POFUT2: variants seen among roughly 807,000 people sequenced by gnomAD.
POFUT2 encodes protein O-fucosyltransferase 2, also known as GDP-fucose protein O-fucosyltransferase 2.
A neutral mutation model predicts 55.0 loss-of-function variants in POFUT2; 30 were observed. The observed-to-expected ratio is 0.55, with a 90% CI of 0.41 to 0.74. The LOEUF (loss-of-function observed/expected upper bound fraction) is 0.74. Among genes scored for constraint, POFUT2 ranks in the 30% least tolerant of loss-of-function variants. The pLI, the probability that POFUT2 is intolerant of heterozygous loss-of-function variation, is 0.00. For synonymous variants in POFUT2, 267 were observed against 231.1 expected (o/e 1.16, Z -1.41); for missense variants, 524 against 562.6 (o/e 0.93, Z 0.69).
intron 6 of POFUT2, among the ~76,000 whole-genome samples, chr21:45,272,033 T>C (rs1048201545): frequency 1.3e-5 from 2 of 152,182 alleles, no homozygotes; most frequent in African/African-American, 4.8e-5. Flanking sequence ...GTATGATGAA[T>C]AGAATACAGT....
In POFUT2 at chr21:45,284,013, T is replaced by C. The variant is rs1041285119; in HGVS notation, c.383-486A>G. Among the ~76,000 whole-genome samples, 1 of 150,710 alleles carries C rather than the reference T, an allele frequency of 6.6e-6. No homozygotes were observed. The highest frequency in any genetic ancestry group is 2.4e-5 in the African/African-American group (1 of 40,884). ...GGACAGAGGCTCAGGTGAGCAGGAGTCGTGCCTCTTACCCACGGCCCGACC... is the reference window on the plus strand; with the variant it reads ...GGACAGAGGCTCAGGTGAGCAGGAGCCGTGCCTCTTACCCACGGCCCGACC... On this transcript the variant is annotated intron_variant, in intron 2 of 8. Coordinates refer to ENST00000349485, the MANE Select transcript of POFUT2 (RefSeq NM_133635.6). This position sits in a 1 kb window ranked among gnomAD's most constrained non-coding sequence, Gnocchi z 5.8.
chr21:45,283,355 C>T (rs1255467204), intron 3 of POFUT2, 28 bp downstream of exon 3: 9 of 1,477,086 alleles, frequency 6.1e-6, no homozygotes, highest in Middle Eastern at 2.2e-4. Flanking sequence ...GGGGCACCTG[C>T]GGCAGGGGGA....
At chr21:45,266,165 G>A (rs143722016) in intron 8 of POFUT2, 20 of 1,367,132 alleles carry the variant, frequency 1.5e-5, no homozygotes, top group East Asian at 1.4e-4. Flanking sequence ...TCAGGTCAGC[G>A]GCCTGCCCGT....
chr21:45,278,313 GGTTATGGCTGA>G, intron 4 of POFUT2, 144 bp from the exon 5 acceptor site: 1 of 720,636 alleles, frequency 1.4e-6, no homozygotes, highest in East Asian at 2.5e-5. Context: ...CGCGTTGGGT[GGTTATGGCTGA>G]GACACAGGCA....
At position 45,264,155 on chromosome 21, in the gene POFUT2, A is replaced by G. The variant is rs2093133509; in HGVS notation, c.*1327T>C. The G allele has an allele frequency of 6.6e-6, 1 of 152,248 alleles. No individual in the cohort carries two copies. Among genetic ancestry groups the G allele is most frequent in the Non-Finnish European group, 1.5e-5 (1 of 68,042 alleles). The allele number at this position is 152,248 out of a possible 1,614,324, so 9.4% of individuals were successfully genotyped here. ...GGGTCAATTTTAAAAGCTTGAGAAG[A>G]CACAGCAAGGTGATGTCCTAGACTA... On this transcript the variant is annotated 3_prime_UTR_variant, in exon 9 of 9. Transcript: ENST00000349485.
intron 7 of POFUT2, 86 bp downstream of exon 7, chr21:45,269,753 C>T: frequency 7.6e-7 from 1 of 1,309,406 alleles, no homozygotes; most frequent in Admixed American, 2.3e-5. Flanking sequence ...TGCCAAAATC[C>T]CCGTCTGTGA....
Position 45,267,422 on chromosome 21 carries a change from GAAA to G in POFUT2, c.1136+165_1136+167del. The stretch of plus-strand genomic sequence containing the variant: ...GATGAACAATTAACTTCAGCCCAGG[GAAA>G]CACTGAACCAGATGCTACAGGAGAC... On this transcript the variant is annotated intron_variant, in intron 8 of 8. Coordinates refer to ENST00000349485, the MANE Select transcript of POFUT2 (RefSeq NM_133635.6). The surrounding 1 kb of genome is among the most constrained non-coding windows in gnomAD (Gnocchi z 4.4). 4 of 1,610,242 alleles carry G rather than the reference GAAA, an allele frequency of 2.5e-6. No individual in the cohort carries two copies. Among genetic ancestry groups the G allele is most frequent in the Middle Eastern group, 3.3e-4 (2 of 6,048 alleles).
chr21:45,287,876 C>CCGGGCGGCCACGCACTT lies in POFUT2; in HGVS notation c.-22_-6dup, dbSNP rs1416022701. 1 of 1,344,382 alleles carries CCGGGCGGCCACGCACTT rather than the reference C, an allele frequency of 7.4e-7. No individual in the cohort carries two copies. The highest frequency in any genetic ancestry group is 9.6e-7 in the Non-Finnish European group (1 of 1,039,754). 83.3% of individuals were successfully genotyped at this position (1,344,382 alleles called of 1,614,324 possible). A position where few individuals can be genotyped will look rare whatever the true frequency, so the allele number is the denominator to read the frequency against. On this transcript the variant is annotated 5_prime_UTR_variant, in exon 1 of 9. Transcript: ENST00000349485. ...GACGAAGCTGAGTGTCGCCATGGCC[C>CCGGGCGGCCACGCACTT]CGGGCGGCCACGCACTTCCGGCGGC...
At position 45,279,536 on chromosome 21, in the gene POFUT2, C is replaced by T. The variant is rs528420445; in HGVS notation, c.639-1367G>A. 2.0e-4 allele frequency among the ~76,000 whole-genome samples: 31 copies of T among 152,330 alleles called. No individual in the cohort carries two copies. The Middle Eastern group carries it at 0.01, about 50-fold the overall frequency. On this transcript the variant is annotated intron_variant, in intron 4 of 8. Transcript: ENST00000349485. ...GTTTTACTCTGAAATCAAAGAAACA[C>T]ACACGAACAGAGCAAGGATTCCACA...
chr21:45,286,009 G>A (rs759206897), intron 1 of POFUT2, 81 bp from the exon 2 acceptor site: 44 of 1,312,882 alleles, frequency 3.4e-5, no homozygotes, highest in Non-Finnish European at 4.2e-5. Context: ...AAGTCTCAGC[G>A]CGTGGCCCGA....
Position 45,277,538 on chromosome 21 carries a change from A to C in POFUT2, c.706-396T>G. The C allele has an allele frequency of 4.0e-6, 1 of 250,314 alleles. No individual in the cohort carries two copies. 15.5% of individuals were successfully genotyped at this position (250,314 alleles called of 1,614,324 possible). The stretch of plus-strand genomic sequence containing the variant: ...AAACGGGGTGGGACTGACCTGCACA[A>C]AGTCCCACGTGAGCAGGGACTGTGT... On this transcript the variant is annotated intron_variant, in intron 5 of 8. Transcript: ENST00000349485. The surrounding 1 kb of genome is among the most constrained non-coding windows in gnomAD (Gnocchi z 6.9).
At position 45,269,871 on chromosome 21, in the gene POFUT2, T is replaced by C. The variant is rs2093202884; in HGVS notation, c.980A>G (p.Lys327Arg). 1 of 1,610,222 alleles carries C rather than the reference T, an allele frequency of 6.2e-7. No individual in the cohort carries two copies. Among genetic ancestry groups the C allele is most frequent in the Admixed American group, 1.7e-5 (1 of 58,948 alleles). Residue 327 changes from lysine (K) to arginine (R), a missense_variant, in exon 7 of 9, where the codon AAG (lysine) becomes AGG (arginine). Transcript: ENST00000349485. ...GACGGCATCTGTGGCCACAAACACC[T>C]TGTCCAGCCGGTGGGTCTTCATGAG... ...RSLMKTHRLD[K>R]VFVATDAVRK...
Position 45,265,502 on chromosome 21 carries a change from G to A in POFUT2, c.1270C>T (p.His424Tyr). 1 of 1,613,614 alleles carries A rather than the reference G, an allele frequency of 6.2e-7. No homozygotes were observed. Among genetic ancestry groups the A allele is most frequent in the African/African-American group, 1.3e-5 (1 of 75,024 alleles). ...DQEKACEQPTHWKITY is the reference protein window; with the variant it reads ...DQEKACEQPTYWKITY ...CCTCCTCAGTAGGTGATCTTCCAGT[G>A]GGTGGGTTGCTCACACGCCTTCTCT... Residue 424 changes from histidine (H) to tyrosine (Y), a missense_variant, in exon 9 of 9, where the codon CAC (histidine) becomes TAC (tyrosine). His to Tyr is a moderately conservative substitution (Grantham distance 83). Transcript: ENST00000349485. This position sits in a 1 kb window ranked among gnomAD's most constrained non-coding sequence, Gnocchi z 4.6.
At position 45,266,165 on chromosome 21, in the gene POFUT2, G is replaced by T. The variant is rs143722016; in HGVS notation, c.1137-530C>A. Reference sequence around the variant, plus strand: ...GGGTTTCTCCAGACCTCAGGTCAGCGGCCTGCCCGTTCCTCCGGCTCCTGC... The same window carrying T: ...GGGTTTCTCCAGACCTCAGGTCAGCTGCCTGCCCGTTCCTCCGGCTCCTGC... On this transcript the variant is annotated intron_variant, in intron 8 of 8. Coordinates refer to ENST00000349485, the MANE Select transcript of POFUT2 (RefSeq NM_133635.6). 633 of 1,367,132 alleles carry T rather than the reference G, an allele frequency of 4.6e-4. 7 individuals carry two copies. In the East Asian group the frequency reaches 0.022, roughly 47 times the overall value. The allele number at this position is 1,367,132 out of a possible 1,614,324, so 84.7% of individuals were successfully genotyped here.
chr21:45,281,234 C>T lies in POFUT2; in HGVS notation c.638+1115G>A, dbSNP rs1340088024. 6.6e-6 allele frequency among the ~76,000 whole-genome samples: 1 copy of T among 152,208 alleles called. No individual in the cohort carries two copies. Among genetic ancestry groups the T allele is most frequent in the Admixed American group, 6.5e-5 (1 of 15,282 alleles). ...TGGAAGCCCCCTCTGGGCTCAGCTC[C>T]ATTCTAACCTGTAAATGTGAGTCAA... On this transcript the variant is annotated intron_variant, in intron 4 of 8. Coordinates refer to ENST00000349485, the MANE Select transcript of POFUT2 (RefSeq NM_133635.6). This position sits in a 1 kb window ranked among gnomAD's most constrained non-coding sequence, Gnocchi z 5.0.
At chr21:45,286,470 G>A (rs1367224400) in intron 1 of POFUT2, among the ~76,000 whole-genome samples, 2 of 152,196 alleles carry the variant, frequency 1.3e-5, no homozygotes, top group South Asian at 2.1e-4. Flanking sequence ...GGTGACAGCT[G>A]GATTCCCATA....
Position 45,285,929 on chromosome 21 carries a change from C to T in POFUT2, c.132-1G>A, listed in dbSNP as rs2031355036. The T allele has an allele frequency of 1.2e-6, 2 of 1,600,042 alleles. No homozygotes were observed. Among genetic ancestry groups the T allele is most frequent in the South Asian group, 1.1e-5 (1 of 90,778 alleles). ...GGGGTTGACGTCATACAGAAGATAC[C>T]TGAGCAGGGAGAAGGAGGACCACAG... is the stretch of plus-strand genomic sequence containing the variant. On this transcript the variant is annotated splice_acceptor_variant, in intron 1 of 8. Coordinates refer to ENST00000349485, the MANE Select transcript of POFUT2 (RefSeq NM_133635.6). LOFTEE classifies it high-confidence loss of function. The surrounding 1 kb of genome is among the most constrained non-coding windows in gnomAD (Gnocchi z 4.9).
chr21:45,272,840 C>A (rs963237828), intron 6 of POFUT2, among the ~76,000 whole-genome samples: 1 of 152,106 alleles, frequency 6.6e-6, no homozygotes, highest in African/African-American at 2.4e-5. Context: ...TTTAAAAATT[C>A]TTTGAACTGA....
chr21:45,280,783 G>A (rs1273073158), intron 4 of POFUT2, among the ~76,000 whole-genome samples: 1 of 149,920 alleles, frequency 6.7e-6, no homozygotes, highest in Non-Finnish European at 1.5e-5. Flanking sequence ...CAATTGCACG[G>A]ATCCCGTCTT....
Sources: gnomAD v4.1 joint callset for allele counts (sites outside exome capture counted in the v4.1 genomes callset) on GRCh38, gnomAD v4.1.1 for gene constraint, Gnocchi (gnomAD v3.1) non-coding constraint, MANE v1.5 for transcripts, NCBI Gene and HGNC (gene_info 2026-07-23, HGNC 2026-07-21) for gene names.